The following MYCBP2 variants were observed in gnomAD, a reference collection of about 807,000 sequenced individuals.
The protein encoded by MYCBP2 is MYC binding protein 2.
In MYCBP2, 120 loss-of-function variants were observed where a neutral mutation model predicts 525.3. The observed-to-expected ratio is 0.23, with a 90% CI of 0.20 to 0.27. The LOEUF (loss-of-function observed/expected upper bound fraction) is 0.27. Among genes scored for constraint, MYCBP2 ranks in the 10% least tolerant of loss-of-function variants. The pLI is 1.00. For missense variants in MYCBP2, 4,149 were observed against 5,657.1 expected, an observed-to-expected ratio of 0.73 and a Z score of 8.55; for synonymous variants, 1,894 against 1,955.8, an observed-to-expected ratio of 0.97 and a Z score of 0.83.
In MYCBP2 at chr13:77,098,234, C is replaced by T; in HGVS notation, c.8920G>A (p.Ala2974Thr). The T allele has an allele frequency of 1.2e-6, 2 of 1,613,416 alleles. No homozygotes were observed. The highest frequency in any genetic ancestry group is 1.7e-6 in the Non-Finnish European group (2 of 1,179,770). Residue 2974 changes from alanine (A) to threonine (T), a missense_variant, in exon 56 of 83, where the codon GCA (alanine) becomes ACA (threonine). Ala to Thr is a moderately conservative substitution (Grantham distance 58). Transcript: ENST00000544440. The part of the protein sequence containing the change: ...SNKVHFSIGK[A>T]PLKDEQEMRA... ...ATTTCCTGTTCATCTTTCAGTGGTGCTTTTCCAATGCTAAAATGAACTTTA... is the reference window on the plus strand; with the variant it reads ...ATTTCCTGTTCATCTTTCAGTGGTGTTTTTCCAATGCTAAAATGAACTTTA...
In MYCBP2 at chr13:77,289,862, TA is replaced by T. The variant is rs552243077; in HGVS notation, c.379-1487del. ...AATCACAGGATATAAAATTACTATA[TA>T]AAAATGAGTAGTATATCCACATACT... On this transcript the variant is annotated intron_variant, in intron 2 of 82. Coordinates refer to ENST00000544440, the MANE Select transcript of MYCBP2 (RefSeq NM_015057.5). Among the ~76,000 whole-genome samples, 1,305 of 152,130 alleles carry T rather than the reference TA, an allele frequency of 8.6e-3. 22 individuals carry two copies. The highest frequency in any genetic ancestry group is 0.029 in the African/African-American group (1,214 of 41,502).
chr13:77,139,134 G>GA lies in MYCBP2; in HGVS notation c.7659+61dup. 2.0e-6 allele frequency: 3 copies of GA among 1,536,080 alleles called. No homozygotes were observed. The South Asian group carries it at 3.8e-5, about 19-fold the overall frequency. On this transcript the variant is annotated intron_variant, in intron 52 of 82. Transcript: ENST00000544440. ...TCAGAACTGAAAAGCCTTAATTAAA[G>GA]AAAGCTCTGTAAAACAAACAGCGTG... is the stretch of plus-strand genomic sequence containing the variant.
chr13:77,109,349 A>G (rs1390346128), intron 55 of MYCBP2, among the ~76,000 whole-genome samples: 1 of 152,108 alleles, frequency 6.6e-6, no homozygotes. Flanking sequence ...TAGGGTTTGC[A>G]CTCTTATGAG....
Position 77,164,510 on chromosome 13 carries a change from T to C in MYCBP2, c.6491A>G (p.Asn2164Ser), listed in dbSNP as rs540182622. 505 of 1,613,466 alleles carry C rather than the reference T, an allele frequency of 3.1e-4. 5 individuals carry two copies. In the South Asian group the frequency reaches 5.0e-3, roughly 16 times the overall value. Residue 2164 changes from asparagine to serine, a missense_variant, in exon 43 of 83, where the codon AAT becomes AGT. Transcript: ENST00000544440. ...GVIQLEKELANLGGVCAAALM... is the reference protein window; with the variant it reads ...GVIQLEKELASLGGVCAAALM... Reference sequence around the variant, plus strand: ...AGCTGCTGCACAAACCCCACCAAGATTGGCTAATTCTTTTTCCAATTGGAT... The same window carrying C: ...AGCTGCTGCACAAACCCCACCAAGACTGGCTAATTCTTTTTCCAATTGGAT...
At chr13:77,294,104 CTATATATATATATA>C (rs1197370334) in intron 2 of MYCBP2, among the ~76,000 whole-genome samples, 12 of 41,920 alleles carry the variant, frequency 2.9e-4, no homozygotes, top group African/African-American at 8.2e-4. Flanking sequence ...GATATAATGG[CTATATATATATATA>C]TATATATATA....
At chr13:77,155,659 T>G (rs2057122825) in intron 46 of MYCBP2, among the ~76,000 whole-genome samples, 1 of 152,208 alleles carries the variant, frequency 6.6e-6, no homozygotes, top group African/African-American at 2.4e-5. Context: ...ATTTTTAAAA[T>G]GTGGTTTCAG....
At chr13:77,099,874 C>G (rs1165199957) in intron 55 of MYCBP2, 3 of 152,016 alleles carry the variant, frequency 2.0e-5, no homozygotes, top group Non-Finnish European at 4.4e-5. Context: ...TTTTTAGCAC[C>G]CTGCCTTCAT....
rs529016260 is a variant in MYCBP2 at position 77,234,167 on chromosome 13, A to C, written c.2630-904T>G. ...TTGAAAAGAAAAATAAATTTTAGTT[A>C]CAACTTAAAATTTTAGGTTTTTTTC... On this transcript the variant is annotated intron_variant, in intron 17 of 82. Transcript: ENST00000544440. Among the ~76,000 whole-genome samples, 6 of 152,114 alleles carry C rather than the reference A, an allele frequency of 3.9e-5. No individual in the cohort carries two copies. The South Asian group carries it at 1.2e-3, about 31-fold the overall frequency.
At chr13:77,202,463 A>G (rs907160556) in intron 26 of MYCBP2, among the ~76,000 whole-genome samples, 20 of 152,106 alleles carry the variant, frequency 1.3e-4, no homozygotes, top group Non-Finnish European at 2.6e-4. Flanking sequence ...TCTACCAGAG[A>G]TACAAGGAGG....
At chr13:77,169,506 T>C in intron 39 of MYCBP2, 108 bp downstream of exon 39, 1 of 784,798 alleles carries the variant, frequency 1.3e-6, no homozygotes. Context: ...GTTACCTATA[T>C]CCCAGATGCC....
At position 77,292,003 on chromosome 13, in the gene MYCBP2, G is replaced by C. The variant is rs150858572; in HGVS notation, c.379-3627C>G. On this transcript the variant is annotated intron_variant, in intron 2 of 82. Coordinates refer to ENST00000544440, the MANE Select transcript of MYCBP2 (RefSeq NM_015057.5). ...GCCTCCTGGCCTGTCAGACTGCTCT[G>C]CATGTACGAACATCAAGCTTTACAA... is the stretch of plus-strand genomic sequence containing the variant. Among the ~76,000 whole-genome samples, 1,318 of 152,262 alleles carry C rather than the reference G, an allele frequency of 8.7e-3. 22 individuals carry two copies. The highest frequency in any genetic ancestry group is 0.03 in the African/African-American group (1,228 of 41,540).
At chr13:77,132,836 C>T (rs2053125051) in intron 52 of MYCBP2, among the ~76,000 whole-genome samples, 1 of 152,148 alleles carries the variant, frequency 6.6e-6, no homozygotes, top group Non-Finnish European at 1.5e-5. Context: ...TAAATTCTCT[C>T]TTCATCTTTT....
Position 77,186,007 on chromosome 13 carries a change from T to C in MYCBP2, c.4308A>G (p.Leu1436=). Residue 1436 remains leucine, a synonymous_variant, in exon 31 of 83, where the codon TTA becomes TTG. Transcript: ENST00000544440. ...TTAATCCTCTAAGTTCTTCAACTCC[T>C]AAGACTAAGGTGGTCCAGCTCCAGT... ...ILHWSWTTLV[L]GVEELRGLKG... The C allele has an allele frequency of 6.2e-7, 1 of 1,613,568 alleles. No homozygotes were observed. Among genetic ancestry groups the C allele is most frequent in the Non-Finnish European group, 8.5e-7 (1 of 1,179,798 alleles).
chr13:77,294,975 C>A (rs1370924892), intron 2 of MYCBP2, among the ~76,000 whole-genome samples: 1 of 152,164 alleles, frequency 6.6e-6, no homozygotes, highest in Non-Finnish European at 1.5e-5. Flanking sequence ...AACCGAAAAT[C>A]CTACCCAAGA....
At chr13:77,086,988 A>G (rs2044412145) in intron 62 of MYCBP2, among the ~76,000 whole-genome samples, 1 of 152,154 alleles carries the variant, frequency 6.6e-6, no homozygotes, top group South Asian at 2.1e-4. Flanking sequence ...ACATTATTCT[A>G]CATTTACATA....
At chr13:77,294,111 T>TATATATATATATATATATATATAC (rs2077817232) in intron 2 of MYCBP2, among the ~76,000 whole-genome samples, 12 of 54,476 alleles carry the variant, frequency 2.2e-4, no homozygotes, top group South Asian at 5.5e-4. Context: ...TGGCTATATA[T>TATATATATATATATATATATATAC]ATATATATAT....
chr13:77,106,342 CTATG>C (rs1280896345), intron 55 of MYCBP2, among the ~76,000 whole-genome samples: 1 of 151,984 alleles, frequency 6.6e-6, no homozygotes, highest in Non-Finnish European at 1.5e-5. Context: ...TGATTTCTTA[CTATG>C]TTCTATAATC....
chr13:77,188,633 C>T (rs1055606192), intron 30 of MYCBP2, among the ~76,000 whole-genome samples: 6 of 152,190 alleles, frequency 3.9e-5, no homozygotes, highest in African/African-American at 1.4e-4. Flanking sequence ...CAGCACCATC[C>T]TTAACTTTTC....
chr13:77,230,522 T>A (rs540420650), intron 18 of MYCBP2, among the ~76,000 whole-genome samples: 1 of 152,234 alleles, frequency 6.6e-6, no homozygotes, highest in Admixed American at 6.5e-5. Context: ...TTTGGAATAT[T>A]TGCATATACA....
Sources: allele counts gnomAD v4.1 joint callset (sites outside exome capture counted in the v4.1 genomes callset), GRCh38; gene constraint gnomAD v4.1.1; transcripts MANE v1.5; gene names NCBI Gene and HGNC (gene_info 2026-07-23, HGNC 2026-07-21).